NRXN1: variants seen among roughly 807,000 people sequenced by gnomAD.
NRXN1 encodes the protein neurexin 1, also known as neurexin-1.
NRXN1 carries 39 observed loss-of-function variants against 150.9 expected under a neutral mutation model. The ratio of observed to expected loss-of-function variants is 0.26; its 90% CI spans 0.20 to 0.34. The LOEUF (loss-of-function observed/expected upper bound fraction) is 0.34. NRXN1 is among the 10% of genes least tolerant of loss of function. NRXN1 has a pLI of 1.00. For missense variants in NRXN1, 1,815 were observed against 1,949.9 expected, an observed-to-expected ratio of 0.93 and a Z score of 1.30; for synonymous variants, 924 against 757.0, an observed-to-expected ratio of 1.22 and a Z score of -3.62.
At chr2:50,747,117 C>T (rs539710101) in intron 5 of NRXN1, among the ~76,000 whole-genome samples, 6 of 152,032 alleles carry the variant, frequency 3.9e-5, no homozygotes, top group East Asian at 1.9e-4. Context: ...AGATAGAGAC[C>T]GGCATTAGAG....
chr2:49,959,498 G>C (rs779701601), intron 21 of NRXN1, among the ~76,000 whole-genome samples: 1 of 152,188 alleles, frequency 6.6e-6, no homozygotes, highest in Non-Finnish European at 1.5e-5. Context: ...TTGACAAATT[G>C]AGAAGCCCTG....
chr2:50,184,776 G>C, intron 18 of NRXN1, among the ~76,000 whole-genome samples: 1 of 151,992 alleles, frequency 6.6e-6, no homozygotes, highest in Non-Finnish European at 1.5e-5. Context: ...CTTGATAATT[G>C]TAGAAATATT....
intron 5 of NRXN1, among the ~76,000 whole-genome samples, chr2:50,687,909 CTG>C (rs1691486871): frequency 1.3e-5 from 2 of 152,132 alleles, no homozygotes; most frequent in Non-Finnish European, 1.5e-5. Context: ...CTTTAGGCAA[CTG>C]TGGAGATCAA....
intron 5 of NRXN1, among the ~76,000 whole-genome samples, chr2:50,767,930 A>G (rs1183262243): frequency 1.3e-5 from 2 of 152,154 alleles, no homozygotes; most frequent in East Asian, 3.9e-4. Flanking sequence ...GCTAAAAACA[A>G]ATACAAATTC....
At chr2:50,633,880 G>A (rs765455731) in intron 5 of NRXN1, among the ~76,000 whole-genome samples, 4 of 152,152 alleles carry the variant, frequency 2.6e-5, no homozygotes, top group Non-Finnish European at 4.4e-5. Context: ...AGAGTGCAAT[G>A]AGGGTGTGCA....
intron 1 of NRXN1, among the ~76,000 whole-genome samples, chr2:51,029,502 A>C (rs1671147510): frequency 6.6e-6 from 1 of 152,210 alleles, no homozygotes; most frequent in African/African-American, 2.4e-5. Context: ...TTAATTTTTA[A>C]AATATGTGAG....
intron 21 of NRXN1, among the ~76,000 whole-genome samples, chr2:50,033,425 TGAA>T: frequency 6.6e-6 from 1 of 152,218 alleles, no homozygotes; most frequent in East Asian, 1.9e-4. Context: ...ACTAGCCATA[TGAA>T]GAAGATTGGA....
chr2:50,209,702 A>C (rs2062869440), intron 18 of NRXN1, among the ~76,000 whole-genome samples: 1 of 152,086 alleles, frequency 6.6e-6, no homozygotes, highest in Non-Finnish European at 1.5e-5. Context: ...GACATGTTTC[A>C]ATAAAAACAT....
intron 17 of NRXN1, among the ~76,000 whole-genome samples, chr2:50,460,033 T>G (rs59983691): frequency 6.6e-6 from 1 of 152,196 alleles, no homozygotes; most frequent in East Asian, 1.9e-4. Context: ...TAGCATTTAG[T>G]GATAACTAAA....
chr2:50,151,681 C>T (rs1199616422), intron 18 of NRXN1, among the ~76,000 whole-genome samples: 3 of 151,696 alleles, frequency 2.0e-5, no homozygotes, highest in Non-Finnish European at 4.4e-5. Flanking sequence ...GGTGTGGGAA[C>T]TGAGAATGAC....
intron 5 of NRXN1, among the ~76,000 whole-genome samples, chr2:50,775,455 T>C (rs930270618): frequency 6.6e-5 from 10 of 152,170 alleles, no homozygotes; most frequent in African/African-American, 2.4e-4. Flanking sequence ...TATGTTCTAT[T>C]ATGATCTGGA....
At position 50,650,460 on chromosome 2, in the gene NRXN1, T is replaced by C. The variant is rs187403266; in HGVS notation, c.833-26845A>G. Among the ~76,000 whole-genome samples, 115 of 152,142 alleles carry C rather than the reference T, an allele frequency of 7.6e-4. 1 individual carries two copies. In the East Asian group the frequency reaches 8.0e-3, roughly 11 times the overall value. On this transcript the variant is annotated intron_variant, in intron 5 of 22. Coordinates refer to ENST00000401669, the MANE Select transcript of NRXN1 (RefSeq NM_001330078.2). ...CTGAAGTTTAAACATCGAATAAAAA[T>C]GCTTCCAAACAATTAATGCGACAGC...
At chr2:50,110,550 T>C (rs1702249946) in intron 18 of NRXN1, among the ~76,000 whole-genome samples, 2 of 150,750 alleles carry the variant, frequency 1.3e-5, no homozygotes, top group East Asian at 1.9e-4. Flanking sequence ...CATTAGTTTA[T>C]ACAACCTTCA....
chr2:50,031,130 G>A (rs1048399045), intron 21 of NRXN1, among the ~76,000 whole-genome samples: 2 of 152,010 alleles, frequency 1.3e-5, no homozygotes, highest in African/African-American at 4.8e-5. Context: ...CAAATGTGAA[G>A]TTATATAAAT....
chr2:50,676,753 G>T (rs1689605381), intron 5 of NRXN1, among the ~76,000 whole-genome samples: 1 of 152,098 alleles, frequency 6.6e-6, no homozygotes, highest in African/African-American at 2.4e-5. Flanking sequence ...AGGTCAATTG[G>T]TCCTGAGCTC....
At chr2:50,460,333 G>A (rs190233970) in intron 17 of NRXN1, among the ~76,000 whole-genome samples, 1 of 152,034 alleles carries the variant, frequency 6.6e-6, no homozygotes, top group South Asian at 2.1e-4. Flanking sequence ...CTTCCTTTTT[G>A]ATTTCTAGGG....
At chr2:50,954,909 T>C (rs143531945) in intron 2 of NRXN1, among the ~76,000 whole-genome samples, 13 of 152,106 alleles carry the variant, frequency 8.5e-5, no homozygotes, top group South Asian at 6.2e-4. Flanking sequence ...CCTGGAGAGA[T>C]TGGTGTACAG....
chr2:50,683,244 A>G (rs1014274498), intron 5 of NRXN1, among the ~76,000 whole-genome samples: 7 of 152,028 alleles, frequency 4.6e-5, no homozygotes, highest in Non-Finnish European at 8.8e-5. Flanking sequence ...GATCAGAGGC[A>G]AACTGTTGCT....
At chr2:50,200,937 A>T (rs1280451716) in intron 18 of NRXN1, among the ~76,000 whole-genome samples, 1 of 152,120 alleles carries the variant, frequency 6.6e-6, no homozygotes, top group Non-Finnish European at 1.5e-5. Flanking sequence ...CTGCCCAAAA[A>T]GTGAAGCTAT....
Sources: gnomAD v4.1 joint callset for allele counts (sites outside exome capture counted in the v4.1 genomes callset) on GRCh38, gnomAD v4.1.1 for gene constraint, MANE v1.5 for transcripts, NCBI Gene and HGNC (gene_info 2026-07-23, HGNC 2026-07-21) for gene names.